The following KIF6 variants were observed in gnomAD, a reference collection of about 807,000 sequenced individuals.
KIF6 encodes the protein kinesin-like protein KIF6.
A neutral mutation model predicts 112.7 loss-of-function variants in KIF6; 106 were observed. That is an observed-to-expected ratio of 0.94 (90% confidence interval 0.80 to 1.11). KIF6 has a LOEUF of 1.11. Among genes scored for constraint, KIF6 ranks in the 50% least tolerant of loss-of-function variants. The pLI, the probability that KIF6 is intolerant of heterozygous loss-of-function variation, is 0.00. For missense variants in KIF6, 929 were observed against 964.0 expected (o/e 0.96, Z 0.48); for synonymous variants, 339 against 339.9 (o/e 1.00, Z 0.03).
intron 10 of KIF6, among the ~76,000 whole-genome samples, chr6:39,577,406 A>C (rs765344143): frequency 2.7e-4 from 41 of 152,380 alleles, no homozygotes; most frequent in Non-Finnish European, 5.3e-4. Context: ...TGGCCTTCAA[A>C]GCCTGGCCCA....
chr6:39,642,060 C>T (rs1385540946), intron 3 of KIF6, among the ~76,000 whole-genome samples: 1 of 152,150 alleles, frequency 6.6e-6, no homozygotes, highest in Non-Finnish European at 1.5e-5. Flanking sequence ...TCCATTCCAA[C>T]TCAGTCTTGT....
intron 9 of KIF6, among the ~76,000 whole-genome samples, chr6:39,581,646 T>C (rs1457872423): frequency 6.6e-6 from 1 of 152,084 alleles, no homozygotes; most frequent in Non-Finnish European, 1.5e-5. Flanking sequence ...CATCTCCATA[T>C]GGTAGTGGAT....
At chr6:39,346,049 G>GCTCTCTCT (rs1203700665) in intron 20 of KIF6, among the ~76,000 whole-genome samples, 1,073 of 28,950 alleles carry the variant, frequency 0.037, 254 homozygotes, top group Non-Finnish European at 0.053. Context: ...AAACTACAGT[G>GCTCTCTCT]CTCTCTCTCT....
chr6:39,472,863 CTT>C (rs111676822), intron 13 of KIF6, among the ~76,000 whole-genome samples: 21 of 143,432 alleles, frequency 1.5e-4, no homozygotes, highest in Middle Eastern at 3.5e-3. Flanking sequence ...TGTACATTTT[CTT>C]TTTTTTTTTT....
chr6:39,716,068 C>A (rs879626032), intron 2 of KIF6, among the ~76,000 whole-genome samples: 1 of 152,062 alleles, frequency 6.6e-6, no homozygotes, highest in Non-Finnish European at 1.5e-5. Flanking sequence ...TTCTACCCCA[C>A]TTCTTTAAAA....
intron 6 of KIF6, among the ~76,000 whole-genome samples, chr6:39,612,197 C>G (rs1206475294): frequency 6.6e-6 from 1 of 152,196 alleles, no homozygotes; most frequent in East Asian, 1.9e-4. Flanking sequence ...AGAGGGCAGA[C>G]ATGGGGCTGA....
chr6:39,536,653 C>T (rs1472559037), intron 13 of KIF6, among the ~76,000 whole-genome samples: 2 of 151,772 alleles, frequency 1.3e-5, no homozygotes, highest in Non-Finnish European at 2.9e-5. Context: ...GTAACTGGTA[C>T]CATTCCTTCT....
chr6:39,563,127 G>C (rs1780097570), intron 10 of KIF6, among the ~76,000 whole-genome samples: 1 of 152,132 alleles, frequency 6.6e-6, no homozygotes, highest in Non-Finnish European at 1.5e-5. Flanking sequence ...TGTAGTCCCA[G>C]ATACTAGGAA....
intron 3 of KIF6, chr6:39,691,471 T>C (rs527439188): frequency 1.3e-5 from 2 of 152,318 alleles, no homozygotes; most frequent in African/African-American, 2.4e-5. Context: ...TAGGTTTCTG[T>C]GACTCAAGCT....
intron 2 of KIF6, among the ~76,000 whole-genome samples, chr6:39,715,480 A>G (rs1582515778): frequency 6.7e-6 from 1 of 148,824 alleles, no homozygotes; most frequent in Non-Finnish European, 1.5e-5. Context: ...ACAGTGGAAC[A>G]CTCGGGGTAG....
At chr6:39,705,344 G>C (rs1254702323) in intron 3 of KIF6, among the ~76,000 whole-genome samples, 1 of 152,190 alleles carries the variant, frequency 6.6e-6, no homozygotes, top group African/African-American at 2.4e-5. Flanking sequence ...AGACAAAAGA[G>C]CAGGTGTCTA....
intron 1 of KIF6, among the ~76,000 whole-genome samples, chr6:39,722,160 T>G (rs550079666): frequency 1.3e-5 from 2 of 152,160 alleles, no homozygotes; most frequent in South Asian, 4.2e-4. Context: ...AAAAAAAAGT[T>G]TTATAGCCAG....
intron 3 of KIF6, among the ~76,000 whole-genome samples, chr6:39,671,396 G>A (rs1426329765): frequency 6.6e-6 from 1 of 152,208 alleles, no homozygotes; most frequent in African/African-American, 2.4e-5. Context: ...AGACTCTAGT[G>A]ATAATAATAT....
chr6:39,576,227 C>A (rs539189781), intron 10 of KIF6, among the ~76,000 whole-genome samples: 1 of 151,918 alleles, frequency 6.6e-6, no homozygotes, highest in Non-Finnish European at 1.5e-5. Context: ...CGGGTTCAAG[C>A]GATTCTCCTG....
intron 3 of KIF6, among the ~76,000 whole-genome samples, chr6:39,667,913 G>A (rs1786576355): frequency 6.6e-6 from 1 of 152,206 alleles, no homozygotes; most frequent in Admixed American, 6.5e-5. Flanking sequence ...GATCATGGGG[G>A]TGATCCCTCA....
At chr6:39,436,582 T>C (rs1771547997) in intron 13 of KIF6, among the ~76,000 whole-genome samples, 1 of 152,156 alleles carries the variant, frequency 6.6e-6, no homozygotes, top group South Asian at 2.1e-4. Flanking sequence ...TTCTTCTACA[T>C]GTGGCTATCC....
chr6:39,691,883 T>C (rs1366909784), intron 3 of KIF6: 2 of 152,210 alleles, frequency 1.3e-5, no homozygotes, highest in Non-Finnish European at 2.9e-5. Context: ...AAATGAGATA[T>C]GAATTCTCAC....
chr6:39,631,640 G>A (rs1784355750), intron 5 of KIF6, among the ~76,000 whole-genome samples: 1 of 151,302 alleles, frequency 6.6e-6, no homozygotes, highest in African/African-American at 2.4e-5. Flanking sequence ...TACATTTGTG[G>A]ATTCAATTGT....
chr6:39,531,367 T>C (rs1778050531), intron 13 of KIF6, among the ~76,000 whole-genome samples: 1 of 152,114 alleles, frequency 6.6e-6, no homozygotes, highest in East Asian at 1.9e-4. Context: ...AGAGTGATTA[T>C]AAGATGCTGT....
Sources: gnomAD v4.1 joint callset for allele counts (sites outside exome capture counted in the v4.1 genomes callset) on GRCh38, gnomAD v4.1.1 for gene constraint, MANE v1.5 for transcripts, NCBI Gene and HGNC (gene_info 2026-07-23, HGNC 2026-07-21) for gene names.